The following ELAPOR2 variants were observed in gnomAD, a reference collection of about 807,000 sequenced individuals.
The protein encoded by ELAPOR2 is endosome-lysosome associated apoptosis and autophagy regulator family member 2.
Under a neutral mutation model 120.7 loss-of-function variants are expected in ELAPOR2, and 89 were observed. The ratio of observed to expected loss-of-function variants is 0.74; its 90% CI spans 0.62 to 0.88. The LOEUF (loss-of-function observed/expected upper bound fraction) is 0.88. Among genes scored for constraint, ELAPOR2 ranks in the 40% least tolerant of loss-of-function variants. ELAPOR2 has a pLI of 0.00. For synonymous variants in ELAPOR2, 444 were observed against 444.9 expected, an observed-to-expected ratio of 1.00 and a Z score of 0.03; for missense variants, 1,134 against 1,251.6, an observed-to-expected ratio of 0.91 and a Z score of 1.42.
intron 2 of ELAPOR2, among the ~76,000 whole-genome samples, chr7:86,948,955 T>C (rs1216957800): frequency 6.6e-6 from 1 of 152,172 alleles, no homozygotes; most frequent in Non-Finnish European, 1.5e-5. Flanking sequence ...AAGTCTCACA[T>C]TTAGGTAGAT....
chr7:86,887,000 A>T (rs754837133), intron 21 of ELAPOR2, among the ~76,000 whole-genome samples: 12 of 152,062 alleles, frequency 7.9e-5, no homozygotes, highest in Admixed American at 2.0e-4. Context: ...AGACCTACAC[A>T]TTACCTCCCT....
chr7:87,023,622 T>G (rs191599376), intron 1 of ELAPOR2, among the ~76,000 whole-genome samples: 2,159 of 152,194 alleles, frequency 0.014, 56 homozygotes, highest in African/African-American at 0.048. Flanking sequence ...GTAGCTTGAT[T>G]GGGATGGCAG....
intron 1 of ELAPOR2, among the ~76,000 whole-genome samples, chr7:87,046,246 G>C (rs1057463213): frequency 7.2e-5 from 11 of 152,052 alleles, no homozygotes; most frequent in Non-Finnish European, 1.5e-4. Flanking sequence ...CTTAACCAAA[G>C]AAGTGAAAAA....
At position 86,891,753 on chromosome 7, in the gene ELAPOR2, G is replaced by A. The variant is rs1788167350; in HGVS notation, c.3001C>T (p.Leu1001=). 2 of 1,610,940 alleles carry A rather than the reference G, an allele frequency of 1.2e-6. No individual in the cohort carries two copies. The highest frequency in any genetic ancestry group is 1.3e-5 in the African/African-American group (1 of 74,720). ...EVVYSNKQSL[L]GKLKSLATKE... is the part of the protein sequence containing the mutation. ...GTTGCCAAAGATTTGAGTTTTCCTAGTAGTGACTGTTTATTGGAATATACA... is the reference window on the plus strand; with the variant it reads ...GTTGCCAAAGATTTGAGTTTTCCTAATAGTGACTGTTTATTGGAATATACA... Residue 1001 remains leucine (L), a synonymous_variant, in exon 21 of 22, where the codon CTA becomes TTA. Transcript: ENST00000450689.
intron 1 of ELAPOR2, among the ~76,000 whole-genome samples, chr7:86,984,315 T>G (rs770114749): frequency 3.3e-5 from 5 of 152,200 alleles, no homozygotes; most frequent in Non-Finnish European, 7.3e-5. Context: ...GGACTTCAAC[T>G]CAGCTCTGCA....
Position 86,914,957 on chromosome 7 carries a change from C to A in ELAPOR2, c.1594-97G>T, listed in dbSNP as rs1789497261. 2.2e-5 allele frequency: 22 copies of A among 997,952 alleles called. No homozygotes were observed. The South Asian group carries it at 3.6e-4, about 16-fold the overall frequency. 61.8% of individuals were successfully genotyped at this position (997,952 alleles called of 1,614,324 possible). ...CAAATGTATTCATATTTAAAGTAAA[C>A]CCATTACAGTTTATGACTATTTACA... On this transcript the variant is annotated intron_variant, in intron 12 of 21. Coordinates refer to ENST00000450689, the MANE Select transcript of ELAPOR2 (RefSeq NM_001142749.3).
rs115325681 is a variant in ELAPOR2, at chr7:86,954,047, G to A, written c.311-6125C>T. On this transcript the variant is annotated intron_variant, in intron 2 of 21. Coordinates refer to ENST00000450689, the MANE Select transcript of ELAPOR2 (RefSeq NM_001142749.3). Reference sequence around the variant, plus strand: ...TATGCAGGTGTGAATAATCAGATACGGAAAAAGCATTTATATTAGTCCGTC... The same window carrying A: ...TATGCAGGTGTGAATAATCAGATACAGAAAAAGCATTTATATTAGTCCGTC... 7.4e-3 allele frequency among the ~76,000 whole-genome samples: 1,133 copies of A among 152,184 alleles called. 18 individuals carry two copies. The highest frequency in any genetic ancestry group is 0.026 in the African/African-American group (1,090 of 41,538).
At chr7:86,928,194 AC>A (rs2116247034) in intron 8 of ELAPOR2, among the ~76,000 whole-genome samples, 1 of 152,014 alleles carries the variant, frequency 6.6e-6, no homozygotes, top group Non-Finnish European at 1.5e-5. Context: ...CACTTCACAC[AC>A]CTGCCTTTCT....
At chr7:86,918,667 C>A in intron 11 of ELAPOR2, 123 bp from the exon 12 acceptor site, 1 of 636,222 alleles carries the variant, frequency 1.6e-6, no homozygotes, top group Non-Finnish European at 2.8e-6. Context: ...TCTACCACTT[C>A]CCTCACCCAC....
intron 1 of ELAPOR2, among the ~76,000 whole-genome samples, chr7:87,010,310 T>C (rs1793613904): frequency 6.6e-6 from 1 of 152,184 alleles, no homozygotes; most frequent in Non-Finnish European, 1.5e-5. Flanking sequence ...CAGATATAAA[T>C]GGAGTCAAAT....
chr7:86,987,438 A>T (rs934306034), intron 1 of ELAPOR2, among the ~76,000 whole-genome samples: 1 of 152,208 alleles, frequency 6.6e-6, no homozygotes, highest in African/African-American at 2.4e-5. Context: ...AATTTTTGCA[A>T]TCTACCCATC....
chr7:86,930,885 G>A (rs1324819635), intron 8 of ELAPOR2, among the ~76,000 whole-genome samples: 1 of 151,816 alleles, frequency 6.6e-6, no homozygotes, highest in Non-Finnish European at 1.5e-5. Context: ...CCCTATTAAG[G>A]AAATTCTCAC....
intron 1 of ELAPOR2, among the ~76,000 whole-genome samples, chr7:86,989,116 A>G (rs1792856193): frequency 1.3e-5 from 2 of 152,244 alleles, no homozygotes; most frequent in African/African-American, 4.8e-5. Context: ...AAACACATGA[A>G]GACTAACCAA....
intron 10 of ELAPOR2, among the ~76,000 whole-genome samples, chr7:86,922,052 T>G (rs1789857220): frequency 6.6e-6 from 1 of 152,224 alleles, no homozygotes; most frequent in East Asian, 1.9e-4. Flanking sequence ...TAAGATTTTT[T>G]TTTCCTATCA....
chr7:87,001,478 G>A (rs1793313056), intron 1 of ELAPOR2, among the ~76,000 whole-genome samples: 1 of 152,126 alleles, frequency 6.6e-6, no homozygotes, highest in Non-Finnish European at 1.5e-5. Flanking sequence ...TCAGTTTCTG[G>A]CTGGAGAACT....
In ELAPOR2 at chr7:87,014,209, A is replaced by ATTCC. The variant is rs1259368026; in HGVS notation, c.189+45115_189+45116insGGAA. 5.3e-5 allele frequency among the ~76,000 whole-genome samples: 8 copies of ATTCC among 152,192 alleles called. No homozygotes were observed. The East Asian group carries it at 1.5e-3, about 29-fold the overall frequency. ...CAACATTAATGAATCAACAACATAG[A>ATTCC]TTAAATAAGATCTCTTAAAATGGAA... is the stretch of plus-strand genomic sequence containing the variant. On this transcript the variant is annotated intron_variant, in intron 1 of 21. Coordinates refer to ENST00000450689, the MANE Select transcript of ELAPOR2 (RefSeq NM_001142749.3).
chr7:86,975,339 T>C (rs777349960), intron 1 of ELAPOR2, among the ~76,000 whole-genome samples: 1 of 152,230 alleles, frequency 6.6e-6, no homozygotes, highest in Non-Finnish European at 1.5e-5. Flanking sequence ...ATTATGTTTT[T>C]GTTTGCAAAT....
chr7:86,952,702 T>C (rs980906335), intron 2 of ELAPOR2, among the ~76,000 whole-genome samples: 3 of 152,194 alleles, frequency 2.0e-5, no homozygotes, highest in African/African-American at 7.2e-5. Context: ...ATAATAACAA[T>C]AGCTATCTCA....
At chr7:86,921,235 T>C (rs1005560830) in intron 10 of ELAPOR2, among the ~76,000 whole-genome samples, 3 of 152,134 alleles carry the variant, frequency 2.0e-5, no homozygotes, top group Admixed American at 6.6e-5. Context: ...AAATGGGACC[T>C]TATTTGGAAA....
Sources: allele counts gnomAD v4.1 joint callset (sites outside exome capture counted in the v4.1 genomes callset), GRCh38; gene constraint gnomAD v4.1.1; transcripts MANE v1.5; gene names NCBI Gene and HGNC (gene_info 2026-07-23, HGNC 2026-07-21).